The following EEPD1 variants were observed in gnomAD, a reference collection of about 807,000 sequenced individuals.
The protein encoded by EEPD1 is endonuclease/exonuclease/phosphatase family domain-containing protein 1.
Under a neutral mutation model 46.3 loss-of-function variants are expected in EEPD1, and 17 were observed. The ratio of observed to expected loss-of-function variants is 0.37; its 90% confidence interval spans 0.25 to 0.55. The LOEUF (loss-of-function observed/expected upper bound fraction) is 0.55, where lower values mean the gene tolerates loss of function less well. Ranked by LOEUF, EEPD1 falls within the 20% of genes least tolerant of loss-of-function variation. The probability of loss-of-function intolerance (pLI) is 0.83; values close to 1 mark genes in which losing one functional copy is unlikely to be tolerated. For synonymous variants in EEPD1, 313 were observed against 315.6 expected (o/e 0.99, Z 0.09); for missense variants, 673 against 745.6 (o/e 0.90, Z 1.13).
intron 2 of EEPD1, chr7:36,230,967 C>G (rs1786315130): frequency 6.6e-6 from 1 of 152,228 alleles, no homozygotes; most frequent in East Asian, 1.9e-4. Context: ...CCAGAATCCT[C>G]AGAGAAAGGG....
intron 2 of EEPD1, among the ~76,000 whole-genome samples, chr7:36,170,140 C>T (rs1032453537): frequency 6.6e-5 from 10 of 152,168 alleles, no homozygotes; most frequent in Non-Finnish European, 1.2e-4. Flanking sequence ...TGCGGTGGCT[C>T]GCGCCTGTAA....
chr7:36,226,417 G>C (rs2726064), intron 2 of EEPD1, among the ~76,000 whole-genome samples: 16,736 of 152,216 alleles, frequency 0.11, 1,236 homozygotes, highest in Non-Finnish European at 0.17. Context: ...CTGCTGCTGA[G>C]TTCTTCAGGT....
chr7:36,164,178 T>A (rs1179247283), intron 2 of EEPD1, among the ~76,000 whole-genome samples: 17 of 152,244 alleles, frequency 1.1e-4, no homozygotes, highest in Admixed American at 1.0e-3. Context: ...ATAATTGTCT[T>A]AACCACACTT....
intron 2 of EEPD1, among the ~76,000 whole-genome samples, chr7:36,199,651 A>G (rs1785679280): frequency 6.6e-6 from 1 of 152,126 alleles, no homozygotes; most frequent in South Asian, 2.1e-4. Flanking sequence ...ACTGAGTGAC[A>G]GCATCCTCTC....
Position 36,258,992 on chromosome 7 carries a change from T to C in EEPD1, c.930+19956T>C, listed in dbSNP as rs923736291. Among the ~76,000 whole-genome samples the C allele has an allele frequency of 7.9e-5, 12 of 151,904 alleles. 1 individual carries two copies. Among genetic ancestry groups the C allele is most frequent in the African/African-American group, 2.7e-4 (11 of 41,356 alleles). On this transcript the variant is annotated intron_variant, in intron 3 of 7. Transcript: ENST00000242108. ...GGTGATGTAGGCACCTAAGGGAATC[T>C]CCTGGTCTGTGGGTTGTGAAGACTG...
intron 3 of EEPD1, among the ~76,000 whole-genome samples, chr7:36,262,025 G>A (rs187396867): frequency 5.7e-4 from 87 of 152,268 alleles, no homozygotes; most frequent in African/African-American, 2.0e-3. Flanking sequence ...ATTCAAAAGC[G>A]TTCACTGACA....
At chr7:36,183,433 C>T (rs756317767) in intron 2 of EEPD1, among the ~76,000 whole-genome samples, 1 of 152,122 alleles carries the variant, frequency 6.6e-6, no homozygotes, top group Non-Finnish European at 1.5e-5. Context: ...GAGCTGCACG[C>T]CCGGCTTCTG....
chr7:36,215,612 A>G (rs1786017789), intron 2 of EEPD1, among the ~76,000 whole-genome samples: 3 of 152,240 alleles, frequency 2.0e-5, no homozygotes, highest in Admixed American at 2.0e-4. Context: ...TGCATTCTCA[A>G]AGCCTGTAGG....
intron 2 of EEPD1, among the ~76,000 whole-genome samples, chr7:36,166,643 CTG>C (rs1445272238): frequency 1.3e-5 from 2 of 152,184 alleles, no homozygotes; most frequent in East Asian, 3.9e-4. Context: ...AGAAATGAGA[CTG>C]TGAGATCACC....
At chr7:36,269,618 G>A (rs966227974) in intron 3 of EEPD1, among the ~76,000 whole-genome samples, 2 of 152,154 alleles carry the variant, frequency 1.3e-5, no homozygotes, top group South Asian at 2.1e-4. Context: ...AAAGCAGGCT[G>A]GGTGCGGTGG....
chr7:36,210,012 C>T (rs10248971), intron 2 of EEPD1, among the ~76,000 whole-genome samples: 31,813 of 151,666 alleles, frequency 0.21, 3,488 homozygotes, highest in East Asian at 0.42. Flanking sequence ...GAGGAGGTCT[C>T]GGGGGAGGAT....
chr7:36,228,240 A>C (rs191999513), intron 2 of EEPD1, among the ~76,000 whole-genome samples: 2 of 152,154 alleles, frequency 1.3e-5, no homozygotes, highest in East Asian at 3.9e-4. Flanking sequence ...CACATAAAAC[A>C]AATACAGACT....
intron 2 of EEPD1, among the ~76,000 whole-genome samples, chr7:36,214,325 G>A (rs1424998096): frequency 6.6e-6 from 1 of 152,180 alleles, no homozygotes; most frequent in East Asian, 1.9e-4. Context: ...GCTGACATTT[G>A]GTTTTTCAGA....
chr7:36,271,401 A>T (rs1294664315), intron 3 of EEPD1, among the ~76,000 whole-genome samples: 1 of 152,152 alleles, frequency 6.6e-6, no homozygotes, highest in Non-Finnish European at 1.5e-5. Context: ...GGCCGCATAA[A>T]TATCTTCTTT....
chr7:36,275,695 C>T (rs577737162), intron 3 of EEPD1, among the ~76,000 whole-genome samples: 48 of 152,278 alleles, frequency 3.2e-4, no homozygotes, highest in African/African-American at 1.1e-3. Context: ...CTCCTGACCT[C>T]GTGATCCACC....
intron 2 of EEPD1, among the ~76,000 whole-genome samples, chr7:36,203,832 A>G (rs945145375): frequency 1.3e-5 from 2 of 152,210 alleles, no homozygotes; most frequent in Non-Finnish European, 1.5e-5. Context: ...ACCCATAAAT[A>G]CTACCACTCA....
chr7:36,240,550 TATTA>T lies in EEPD1; in HGVS notation c.930+1518_930+1521del, dbSNP rs1466235563. Among the ~76,000 whole-genome samples, 44 of 152,238 alleles carry T rather than the reference TATTA, an allele frequency of 2.9e-4. 1 individual carries two copies. Among genetic ancestry groups the T allele is most frequent in the African/African-American group, 1.0e-3 (43 of 41,462 alleles). The stretch of plus-strand genomic sequence containing the variant: ...CTCATTATTAATTCTTAATTACTTA[TATTA>T]ATTCTTAATATGCATTCAGCCATGA... On this transcript the variant is annotated intron_variant, in intron 3 of 7. Coordinates refer to ENST00000242108, the MANE Select transcript of EEPD1 (RefSeq NM_030636.3).
intron 3 of EEPD1, among the ~76,000 whole-genome samples, chr7:36,268,859 C>A (rs1405748603): frequency 2.0e-5 from 3 of 152,218 alleles, no homozygotes; most frequent in African/African-American, 7.2e-5. Context: ...AACAGAGGCA[C>A]AGAATACATG....
chr7:36,188,038 C>A (rs190101327), intron 2 of EEPD1, among the ~76,000 whole-genome samples: 1 of 152,244 alleles, frequency 6.6e-6, no homozygotes, highest in African/African-American at 2.4e-5. Flanking sequence ...CCTCGTGATC[C>A]GCCTGCCTCG....
Sources: allele counts gnomAD v4.1 joint callset (sites outside exome capture counted in the v4.1 genomes callset), GRCh38; gene constraint gnomAD v4.1.1; transcripts MANE v1.5; gene names NCBI Gene and HGNC (gene_info 2026-07-23, HGNC 2026-07-21).